Variants in EYS observed in about 807,000 individuals in gnomAD.
EYS encodes EGF-like photoreceptor maintenance factor.
Under a neutral mutation model 282.1 loss-of-function variants are expected in EYS, and 250 were observed. The observed-to-expected ratio is 0.89, with a 90% CI of 0.80 to 0.98. EYS has a LOEUF of 0.98. Among genes scored for constraint, EYS ranks in the 50% least tolerant of loss-of-function variants. EYS has a pLI of 0.00. For missense variants in EYS, 4,016 were observed against 3,709.0 expected, an observed-to-expected ratio of 1.08 and a Z score of -2.15; for synonymous variants, 1,355 against 1,282.9, an observed-to-expected ratio of 1.06 and a Z score of -1.20.
At chr6:63,980,705 G>C (rs1767047539) in intron 35 of EYS, among the ~76,000 whole-genome samples, 1 of 151,770 alleles carries the variant, frequency 6.6e-6, no homozygotes, top group African/African-American at 2.4e-5. Context: ...CTTCTTTTGA[G>C]AAAATAGGAG....
chr6:63,864,707 T>C (rs1772629653), intron 35 of EYS, among the ~76,000 whole-genome samples: 1 of 152,192 alleles, frequency 6.6e-6, no homozygotes, highest in Non-Finnish European at 1.5e-5. Flanking sequence ...GCATCAAATG[T>C]CTATTAGCAA....
chr6:64,432,050 G>A (rs1338829), intron 28 of EYS, among the ~76,000 whole-genome samples: 42,139 of 151,896 alleles, frequency 0.28, 5,971 homozygotes, highest in East Asian at 0.46. Flanking sequence ...CAATGCATGT[G>A]GATGACTGTA....
chr6:65,026,449 A>T (rs991241268), intron 13 of EYS, among the ~76,000 whole-genome samples: 1 of 152,172 alleles, frequency 6.6e-6, no homozygotes, highest in South Asian at 2.1e-4. Context: ...CAGGGGTATG[A>T]CCAGAAATAA....
intron 12 of EYS, among the ~76,000 whole-genome samples, chr6:65,199,226 A>G (rs572277561): frequency 1.2e-3 from 177 of 152,254 alleles, no homozygotes; most frequent in African/African-American, 3.9e-3. Context: ...TATAATATAA[A>G]TATTTGTGTA....
chr6:64,452,416 G>T (rs1775386784), intron 26 of EYS, among the ~76,000 whole-genome samples: 1 of 152,148 alleles, frequency 6.6e-6, no homozygotes, highest in Non-Finnish European at 1.5e-5. Context: ...TCAATATCGT[G>T]AAAATGGCTA....
At chr6:65,263,703 CTGTG>C (rs3042394) in intron 12 of EYS, among the ~76,000 whole-genome samples, 3,403 of 141,368 alleles carry the variant, frequency 0.024, 95 homozygotes, top group African/African-American at 0.067. Flanking sequence ...CAAGGCAAAG[CTGTG>C]TGTGTGTGTG....
intron 31 of EYS, among the ~76,000 whole-genome samples, chr6:64,179,889 G>T (rs1764741039): frequency 6.6e-6 from 1 of 152,088 alleles, no homozygotes; most frequent in Non-Finnish European, 1.5e-5. Context: ...TTCAAAGAGG[G>T]AGCTCAAGGT....
chr6:63,805,081 G>GA (rs144849005), intron 37 of EYS, among the ~76,000 whole-genome samples: 2 of 152,130 alleles, frequency 1.3e-5, no homozygotes, highest in Non-Finnish European at 2.9e-5. Context: ...TGATTGAGTT[G>GA]AAAAAAACAG....
At chr6:64,753,290 A>T (rs563706541) in intron 22 of EYS, among the ~76,000 whole-genome samples, 1 of 152,224 alleles carries the variant, frequency 6.6e-6, no homozygotes, top group Admixed American at 6.5e-5. Flanking sequence ...AAAGATAGAG[A>T]TTGGTGTAAT....
At chr6:64,423,253 T>C (rs1022111289) in intron 28 of EYS, among the ~76,000 whole-genome samples, 12 of 152,232 alleles carry the variant, frequency 7.9e-5, no homozygotes, top group Admixed American at 5.2e-4. Context: ...TTCAATTGTA[T>C]AACCACTTTC....
At chr6:64,902,062 T>C in intron 18 of EYS, 51 bp downstream of exon 18, 1 of 1,326,218 alleles carries the variant, frequency 7.5e-7, no homozygotes, top group South Asian at 1.3e-5. Flanking sequence ...CTCACTTTCT[T>C]GTTGAATTAC....
At chr6:64,907,478 A>T (rs1010753779) in intron 16 of EYS, among the ~76,000 whole-genome samples, 18 of 152,210 alleles carry the variant, frequency 1.2e-4, no homozygotes, top group African/African-American at 4.3e-4. Flanking sequence ...GGCCATAAAC[A>T]TATGAATAAA....
intron 29 of EYS, among the ~76,000 whole-genome samples, chr6:64,346,155 G>T (rs1771384152): frequency 6.6e-6 from 1 of 151,952 alleles, no homozygotes; most frequent in East Asian, 1.9e-4. Flanking sequence ...GGTTCCTCAG[G>T]GATCTAGAAC....
rs1765006753 is a variant in EYS, at chr6:64,549,747, T to TG, written c.5644+40475_5644+40476insC. Among the ~76,000 whole-genome samples, 5 of 152,166 alleles carry TG rather than the reference T, an allele frequency of 3.3e-5. No homozygotes were observed. In the South Asian group the frequency reaches 1.0e-3, roughly 32 times the overall value. ...GCACATGAAATCTTTTTTTTTTTTTTTTTTATACTTTAAGTTTTACGGTAC... is the reference window on the plus strand; with the variant it reads ...GCACATGAAATCTTTTTTTTTTTTTTGTTTTATACTTTAAGTTTTACGGTAC... On this transcript the variant is annotated intron_variant, in intron 26 of 42. Coordinates refer to ENST00000503581, the MANE Select transcript of EYS (RefSeq NM_001142800.2).
chr6:64,858,704 C>T (rs923441695), intron 19 of EYS, among the ~76,000 whole-genome samples: 2 of 151,682 alleles, frequency 1.3e-5, no homozygotes, highest in South Asian at 2.1e-4. Context: ...ATGCAGGATA[C>T]CAATTAAATA....
At chr6:64,289,692 C>T (rs1011047169) in intron 30 of EYS, among the ~76,000 whole-genome samples, 5 of 151,822 alleles carry the variant, frequency 3.3e-5, no homozygotes, top group Non-Finnish European at 7.4e-5. Flanking sequence ...TATCTCAGTA[C>T]CTAGACGATA....
chr6:63,790,744 TGGGAG>T (rs573756101), intron 37 of EYS, among the ~76,000 whole-genome samples: 14 of 152,024 alleles, frequency 9.2e-5, no homozygotes, highest in Non-Finnish European at 2.1e-4. Context: ...TAGAAGAAAT[TGGGAG>T]GGGTGGAGGA....
At chr6:64,342,588 C>T (rs1428785352) in intron 29 of EYS, among the ~76,000 whole-genome samples, 1 of 151,924 alleles carries the variant, frequency 6.6e-6, no homozygotes, top group Non-Finnish European at 1.5e-5. Context: ...AAAGGAACAA[C>T]CGGTACCAGC....
intron 35 of EYS, among the ~76,000 whole-genome samples, chr6:63,894,869 T>C (rs1773497448): frequency 6.6e-6 from 1 of 152,110 alleles, no homozygotes; most frequent in Non-Finnish European, 1.5e-5. Flanking sequence ...TTACAGGCCT[T>C]AGCCACTGCG....
Sources: allele counts gnomAD v4.1 joint callset (sites outside exome capture counted in the v4.1 genomes callset), GRCh38; gene constraint gnomAD v4.1.1; transcripts MANE v1.5; gene names NCBI Gene and HGNC (gene_info 2026-07-23, HGNC 2026-07-21).